KCNIP4: variants seen among roughly 807,000 people sequenced by gnomAD.
KCNIP4 encodes the protein potassium voltage-gated channel interacting protein 4.
KCNIP4 carries 12 observed loss-of-function variants against 34.0 expected under a neutral mutation model. The observed-to-expected ratio is 0.35, with a 90% confidence interval of 0.23 to 0.57. The LOEUF is 0.57. KCNIP4 is among the 20% of genes least tolerant of loss of function. The pLI, the probability that KCNIP4 is intolerant of heterozygous loss-of-function variation, is 0.83. For synonymous variants in KCNIP4, 124 were observed against 102.2 expected (o/e 1.21, Z -1.29); for missense variants, 238 against 311.7 (o/e 0.76, Z 1.78).
intron 1 of KCNIP4, among the ~76,000 whole-genome samples, chr4:21,451,536 A>G (rs1728506251): frequency 6.6e-6 from 1 of 152,206 alleles, no homozygotes; most frequent in South Asian, 2.1e-4. Flanking sequence ...CCTATTTTTC[A>G]AAGTCATTTG....
intron 1 of KCNIP4, among the ~76,000 whole-genome samples, chr4:21,186,071 C>T (rs1325875220): frequency 1.3e-5 from 2 of 152,154 alleles, no homozygotes; most frequent in Non-Finnish European, 2.9e-5. Context: ...AGGTGAATAG[C>T]TGTCTATTTC....
chr4:20,902,557 T>C (rs967973026), intron 1 of KCNIP4, among the ~76,000 whole-genome samples: 1 of 152,182 alleles, frequency 6.6e-6, no homozygotes, highest in African/African-American at 2.4e-5. Flanking sequence ...TTCACTCTTG[T>C]TGCCCAGGCT....
At chr4:21,053,444 A>G (rs991549620) in intron 1 of KCNIP4, among the ~76,000 whole-genome samples, 30 of 152,340 alleles carry the variant, frequency 2.0e-4, no homozygotes, top group African/African-American at 6.3e-4. Flanking sequence ...ACACTTTCCA[A>G]TTAAGGTCAG....
chr4:21,714,779 CCCTTTGATTATTTT>C (rs1714024895), intron 1 of KCNIP4, among the ~76,000 whole-genome samples: 1 of 52,672 alleles, frequency 1.9e-5, no homozygotes, highest in African/African-American at 1.3e-4. Flanking sequence ...TTAGTAATTT[CCCTTTGATTATTTT>C]ATTTTATTTT....
intron 1 of KCNIP4, among the ~76,000 whole-genome samples, chr4:20,967,123 C>T (rs546053247): frequency 6.6e-6 from 1 of 152,290 alleles, no homozygotes; most frequent in South Asian, 2.1e-4. Flanking sequence ...ATTACTTTAT[C>T]ATGACCTATA....
rs551821627 is a variant in KCNIP4 at position 21,203,441 on chromosome 4, C to T, written c.62-320732G>A. On this transcript the variant is annotated intron_variant, in intron 1 of 8. Transcript: ENST00000382152. ...TTTTTCCTTGGAGTTGCTAATTATT[C>T]GTAATCTACAAGGCAACCTCAGCTT... Among the ~76,000 whole-genome samples, 10 of 152,306 alleles carry T rather than the reference C, an allele frequency of 6.6e-5. No homozygotes were observed. The South Asian group carries it at 1.0e-3, about 16-fold the overall frequency.
chr4:21,580,258 C>G (rs956053013), intron 1 of KCNIP4, among the ~76,000 whole-genome samples: 2 of 151,986 alleles, frequency 1.3e-5, no homozygotes, highest in Non-Finnish European at 2.9e-5. Context: ...TCCTTTGATA[C>G]TAATACTATC....
chr4:21,769,806 A>G (rs907272909), intron 1 of KCNIP4, among the ~76,000 whole-genome samples: 3 of 152,108 alleles, frequency 2.0e-5, no homozygotes, highest in African/African-American at 4.8e-5. Flanking sequence ...AGCATTCCAC[A>G]CTTATAAATT....
intron 1 of KCNIP4, among the ~76,000 whole-genome samples, chr4:21,774,524 A>C (rs1320033185): frequency 6.6e-6 from 1 of 152,050 alleles, no homozygotes; most frequent in Non-Finnish European, 1.5e-5. Flanking sequence ...AATATCCTGA[A>C]ATGCGTTTTC....
At chr4:21,813,973 T>C (rs557127724) in intron 1 of KCNIP4, among the ~76,000 whole-genome samples, 1 of 152,242 alleles carries the variant, frequency 6.6e-6, no homozygotes, top group East Asian at 1.9e-4. Context: ...ATGCATTGAG[T>C]GTCTCCTATC....
intron 1 of KCNIP4, among the ~76,000 whole-genome samples, chr4:21,765,925 G>T (rs561104531): frequency 1.7e-4 from 25 of 151,384 alleles, no homozygotes; most frequent in Non-Finnish European, 3.1e-4. Context: ...CTTAGGAAAA[G>T]GCATACAGTA....
At chr4:20,957,604 C>G (rs1733443407) in intron 1 of KCNIP4, among the ~76,000 whole-genome samples, 1 of 146,168 alleles carries the variant, frequency 6.8e-6, no homozygotes, top group Non-Finnish European at 1.5e-5. Context: ...AACCATATGA[C>G]TTGGAACGAG....
chr4:21,761,162 C>T (rs1003156633), intron 1 of KCNIP4, among the ~76,000 whole-genome samples: 1 of 152,044 alleles, frequency 6.6e-6, no homozygotes, highest in Admixed American at 6.6e-5. Context: ...AGTGCTGTAG[C>T]ATGATCATAA....
At chr4:21,854,515 T>C (rs1322436827) in intron 1 of KCNIP4, among the ~76,000 whole-genome samples, 1 of 152,134 alleles carries the variant, frequency 6.6e-6, no homozygotes, top group Non-Finnish European at 1.5e-5. Flanking sequence ...ATTGCTTAAA[T>C]TCCCCCCAGT....
In KCNIP4 at chr4:21,418,205, C is replaced by T. The variant is rs1201582964; in HGVS notation, c.61+530366G>A. ...CTCTCTCTCTAACAGGGACATAAGA[C>T]TTCTGGATCATGGATCAGACTATTT... On this transcript the variant is annotated intron_variant, in intron 1 of 8. Coordinates refer to ENST00000382152, the MANE Select transcript of KCNIP4 (RefSeq NM_025221.6). Among the ~76,000 whole-genome samples, 6 of 152,270 alleles carry T rather than the reference C, an allele frequency of 3.9e-5. 1 individual carries two copies. Among genetic ancestry groups the T allele is most frequent in the Admixed American group, 3.9e-4 (6 of 15,288 alleles).
At chr4:20,947,147 T>A (rs1157242319) in intron 1 of KCNIP4, among the ~76,000 whole-genome samples, 1 of 152,064 alleles carries the variant, frequency 6.6e-6, no homozygotes, top group East Asian at 1.9e-4. Context: ...TTGCCTGATA[T>A]TCCTAGTTTT....
intron 1 of KCNIP4, among the ~76,000 whole-genome samples, chr4:20,904,668 C>A (rs568327509): frequency 4.6e-5 from 7 of 152,128 alleles, no homozygotes; most frequent in African/African-American, 1.7e-4. Flanking sequence ...TTTAATTAAG[C>A]CTTAACTGTT....
chr4:21,274,623 A>G (rs1446268196), intron 1 of KCNIP4, among the ~76,000 whole-genome samples: 2 of 152,224 alleles, frequency 1.3e-5, no homozygotes. Context: ...GTCAATTCCA[A>G]TGAAAATAAT....
At chr4:21,941,738 T>C (rs1513573) in intron 1 of KCNIP4, among the ~76,000 whole-genome samples, 152,193 of 152,312 alleles carry the variant, frequency 1, 76,038 homozygotes, top group Non-Finnish European at 1. Context: ...AAACTGACAA[T>C]CTATTTCCAA....
Sources: allele counts gnomAD v4.1 joint callset (sites outside exome capture counted in the v4.1 genomes callset), GRCh38; gene constraint gnomAD v4.1.1; transcripts MANE v1.5; gene names NCBI Gene and HGNC (gene_info 2026-07-23, HGNC 2026-07-21).